Variants in CTNNA3 observed in about 807,000 individuals in gnomAD.
CTNNA3 encodes catenin alpha 3, also known as catenin alpha-3.
In CTNNA3, 76 loss-of-function variants were observed where a neutral mutation model predicts 95.7. That is an observed-to-expected ratio of 0.79 (90% CI 0.66 to 0.96). The LOEUF (loss-of-function observed/expected upper bound fraction) is 0.96. CTNNA3 is among the 40% of genes least tolerant of loss of function. The pLI is 0.00. For missense variants in CTNNA3, 1,191 were observed against 1,089.8 expected (o/e 1.09, Z -1.31); for synonymous variants, 431 against 374.4 (o/e 1.15, Z -1.74).
At chr10:67,656,809 T>A (rs1373333966) in intron 1 of CTNNA3, among the ~76,000 whole-genome samples, 2 of 152,006 alleles carry the variant, frequency 1.3e-5, no homozygotes, top group African/African-American at 4.8e-5. Flanking sequence ...GAGGCCAGTG[T>A]AAGCAGGGCA....
intron 1 of CTNNA3, among the ~76,000 whole-genome samples, chr10:67,707,726 G>C (rs534184350): frequency 6.6e-6 from 1 of 152,084 alleles, no homozygotes; most frequent in East Asian, 1.9e-4. Flanking sequence ...AAGGAGGTAG[G>C]GATAGCTCCA....
intron 3 of CTNNA3, among the ~76,000 whole-genome samples, chr10:67,599,344 G>A (rs1326696703): frequency 6.6e-6 from 1 of 152,104 alleles, no homozygotes; most frequent in African/African-American, 2.4e-5. Flanking sequence ...ATGCTGTCAA[G>A]TATATAACCA....
Position 67,689,220 on chromosome 10 carries a change from C to T in CTNNA3, c.-6+6780G>A, listed in dbSNP as rs188849499. On this transcript the variant is annotated intron_variant, in intron 1 of 17. Transcript: ENST00000433211. ...GAGTTGGAAGAGTGATGCTTTTTGT[C>T]CTCACTTATATGAATAGGAAAGATA... Among the ~76,000 whole-genome samples, 134 of 152,218 alleles carry T rather than the reference C, an allele frequency of 8.8e-4. 1 individual carries two copies. Among genetic ancestry groups the T allele is most frequent in the African/African-American group, 3.1e-3 (129 of 41,546 alleles).
chr10:66,354,013 C>T (rs374209053), intron 12 of CTNNA3, among the ~76,000 whole-genome samples: 5 of 152,088 alleles, frequency 3.3e-5, no homozygotes, highest in African/African-American at 1.2e-4. Flanking sequence ...CCAGACGCAG[C>T]GGCTCACGCC....
intron 1 of CTNNA3, among the ~76,000 whole-genome samples, chr10:67,661,364 C>T (rs767509058): frequency 1.3e-5 from 2 of 151,630 alleles, no homozygotes; most frequent in Non-Finnish European, 2.9e-5. Flanking sequence ...GGAAGGGAGG[C>T]AGGGAGGGAA....
Position 66,691,660 on chromosome 10 carries a change from A to G in CTNNA3, c.1282-69876T>C, listed in dbSNP as rs1264358706. Among the ~76,000 whole-genome samples, 3 of 152,190 alleles carry G rather than the reference A, an allele frequency of 2.0e-5. No individual in the cohort carries two copies. In the East Asian group the frequency reaches 5.8e-4, roughly 29 times the overall value. On this transcript the variant is annotated intron_variant, in intron 9 of 17. Coordinates refer to ENST00000433211, the MANE Select transcript of CTNNA3 (RefSeq NM_013266.4). ...CTGAGAATGGGCAGACTGCCTCCTC[A>G]AGTGGGTCCCTGACCCCTGACCCCT...
chr10:67,599,123 G>A (rs1843006797), intron 3 of CTNNA3, among the ~76,000 whole-genome samples: 1 of 152,054 alleles, frequency 6.6e-6, no homozygotes, highest in South Asian at 2.1e-4. Context: ...CTATGTCCCA[G>A]GACTAAGAAT....
Position 66,103,194 on chromosome 10 carries a change from C to G in CTNNA3, c.1940G>C (p.Ser647Thr), listed in dbSNP as rs747672598. The part of the protein sequence containing the change: ...SDLEEEHEVR[S>T]HTSIQTEGKT... ...CCCTTCGGTCTGAATGCTGGTGTGA[C>G]TGCGGACCTCGTGTTCCTCTTCAAG... Residue 647 changes from serine (S) to threonine (T), a missense_variant, in exon 14 of 18, where the codon AGT becomes ACT. By Grantham distance (58) the Ser-to-Thr change is moderately conservative. Coordinates refer to ENST00000433211, the MANE Select transcript of CTNNA3 (RefSeq NM_013266.4). The G allele has an allele frequency of 3.7e-6, 6 of 1,614,150 alleles. No homozygotes were observed. Among genetic ancestry groups the G allele is most frequent in the Non-Finnish European group, 5.1e-6 (6 of 1,179,994 alleles).
chr10:66,106,221 G>A (rs201787963), intron 13 of CTNNA3, among the ~76,000 whole-genome samples: 14 of 145,836 alleles, frequency 9.6e-5, no homozygotes, highest in East Asian at 4.1e-4. Flanking sequence ...AAAAAAAAAA[G>A]AAAAAAAAAT....
At chr10:66,835,082 G>A (rs1842845021) in intron 7 of CTNNA3, among the ~76,000 whole-genome samples, 1 of 152,078 alleles carries the variant, frequency 6.6e-6, no homozygotes, top group African/African-American at 2.4e-5. Context: ...AGTAAGACAA[G>A]GAAGACAAAT....
At chr10:67,527,543 T>C (rs1251944900) in intron 4 of CTNNA3, among the ~76,000 whole-genome samples, 2 of 152,236 alleles carry the variant, frequency 1.3e-5, no homozygotes, top group Non-Finnish European at 2.9e-5. Context: ...TTGAGCAAAG[T>C]TTCCCCTGGA....
chr10:66,316,402 A>C (rs544914296), intron 12 of CTNNA3, among the ~76,000 whole-genome samples: 1 of 152,052 alleles, frequency 6.6e-6, no homozygotes, highest in Non-Finnish European at 1.5e-5. Flanking sequence ...TTTATTTTAC[A>C]GTAATATATA....
chr10:66,095,324 A>G (rs1403740090), intron 14 of CTNNA3, among the ~76,000 whole-genome samples: 1 of 152,166 alleles, frequency 6.6e-6, no homozygotes, highest in East Asian at 1.9e-4. Context: ...AGGAGAGCAG[A>G]GTTACTGCCA....
intron 10 of CTNNA3, among the ~76,000 whole-genome samples, chr10:66,616,530 T>G (rs538648590): frequency 1.6e-4 from 24 of 152,170 alleles, no homozygotes; most frequent in African/African-American, 5.5e-4. Context: ...TCATATGATA[T>G]AGTTTCAACT....
At chr10:67,562,862 C>T (rs1841576247) in intron 3 of CTNNA3, among the ~76,000 whole-genome samples, 2 of 151,996 alleles carry the variant, frequency 1.3e-5, no homozygotes, top group Admixed American at 6.6e-5. Flanking sequence ...AACAGAGAGC[C>T]AAATCATGAG....
chr10:67,370,614 T>C (rs1476297651), intron 5 of CTNNA3, among the ~76,000 whole-genome samples: 1 of 152,164 alleles, frequency 6.6e-6, no homozygotes, highest in African/African-American at 2.4e-5. Context: ...TTTCCCTTCA[T>C]GGTTCCTTAT....
intron 7 of CTNNA3, among the ~76,000 whole-genome samples, chr10:67,008,421 G>A (rs1852131882): frequency 6.6e-6 from 1 of 152,002 alleles, no homozygotes; most frequent in Non-Finnish European, 1.5e-5. Flanking sequence ...TGTTTGTCTT[G>A]ATTCACCTCT....
chr10:65,934,134 G>T lies in CTNNA3; in HGVS notation c.2401-13517C>A, dbSNP rs916974913. Reference sequence around the variant, plus strand: ...TAAACTTTGTAATAACCATAATCTGGACTTCTTGTTATGATTTAAGTCATT... The same window carrying T: ...TAAACTTTGTAATAACCATAATCTGTACTTCTTGTTATGATTTAAGTCATT... On this transcript the variant is annotated intron_variant, in intron 17 of 17. Transcript: ENST00000433211. Among the ~76,000 whole-genome samples, 66 of 152,050 alleles carry T rather than the reference G, an allele frequency of 4.3e-4. 1 individual carries two copies. Among genetic ancestry groups the T allele is most frequent in the Admixed American group, 4.2e-3 (64 of 15,252 alleles).
At chr10:66,973,786 G>A (rs1849864137) in intron 7 of CTNNA3, among the ~76,000 whole-genome samples, 1 of 151,982 alleles carries the variant, frequency 6.6e-6, no homozygotes, top group Non-Finnish European at 1.5e-5. Flanking sequence ...ACCATGCCCA[G>A]CTAATTTTTT....
Sources: allele counts gnomAD v4.1 joint callset (sites outside exome capture counted in the v4.1 genomes callset), GRCh38; gene constraint gnomAD v4.1.1; transcripts MANE v1.5; gene names NCBI Gene and HGNC (gene_info 2026-07-23, HGNC 2026-07-21).